Variants in TUG1 observed in about 807,000 individuals in gnomAD.
TUG1 encodes taurine up-regulated 1.
At chr22:30,978,402 G>A (rs1015565664) in exon 3 of TUG1, 1 of 152,150 alleles carries the variant, frequency 6.6e-6, no homozygotes, top group Non-Finnish European at 1.5e-5. Flanking sequence ...CTTAAGCAGA[G>A]ATTAAGCTTT....
intron 2 of TUG1, chr22:30,974,232 T>TA (rs1416539182): frequency 6.6e-6 from 1 of 151,334 alleles, no homozygotes. Context: ...AGTAAGATAG[T>TA]AAAGTATGTA....
chr22:30,972,232 C>T (rs938201319), intron 1 of TUG1: 1 of 152,142 alleles, frequency 6.6e-6, no homozygotes, highest in Non-Finnish European at 1.5e-5. Flanking sequence ...GGAGAAAAGT[C>T]GCTAGATATG....
exon 1 of TUG1, chr22:30,971,009 T>C (rs530201473): frequency 6.6e-6 from 1 of 152,330 alleles, no homozygotes; most frequent in East Asian, 1.9e-4. Context: ...TTTTGCTTCT[T>C]TGTTAGTTGT....
exon 3 of TUG1, chr22:30,976,591 T>C (rs1413661239): frequency 5.9e-5 from 9 of 152,190 alleles, no homozygotes; most frequent in Admixed American, 6.5e-5. Flanking sequence ...TGCCATGATA[T>C]ATATTTAAGG....
exon 3 of TUG1, chr22:30,975,245 C>T (rs2041275048): frequency 6.6e-6 from 1 of 152,204 alleles, no homozygotes; most frequent in African/African-American, 2.4e-5. Flanking sequence ...TGAGTGAAAA[C>T]TGTGCAGAAG....
chr22:30,971,928 A>G (rs1280660588), intron 1 of TUG1, 149 bp downstream of exon 1: 3 of 152,200 alleles, frequency 2.0e-5, no homozygotes, highest in East Asian at 1.9e-4. Flanking sequence ...CCTCTTTTCC[A>G]TGAGTCTCCT....
chr22:30,970,926 T>C (rs1224331202), exon 1 of TUG1: 1 of 152,250 alleles, frequency 6.6e-6, no homozygotes, highest in Admixed American at 6.5e-5. Context: ...GATTCAAAGC[T>C]AAACTTTTTC....
exon 3 of TUG1, chr22:30,979,313 C>T (rs985222152): frequency 5.4e-5 from 7 of 128,656 alleles, no homozygotes; most frequent in Admixed American, 3.8e-4. Context: ...AAACTTTCAA[C>T]TTTATACATT....
At chr22:30,976,975 G>A (rs772424087) in exon 3 of TUG1, 7 of 152,126 alleles carry the variant, frequency 4.6e-5, no homozygotes, top group East Asian at 1.9e-4. Context: ...AGAAATTATC[G>A]TCAATTTTCT....
exon 3 of TUG1, chr22:30,978,894 A>G (rs2041318215): frequency 6.6e-6 from 1 of 152,218 alleles, no homozygotes; most frequent in African/African-American, 2.4e-5. Context: ...CCACACTAAT[A>G]TATCTACCAA....
exon 2 of TUG1, chr22:30,973,064 T>C (rs958125440): frequency 1.3e-5 from 2 of 152,758 alleles, no homozygotes; most frequent in African/African-American, 4.8e-5. Context: ...ACTCCTGTCT[T>C]GTTCTACCCA....
chr22:30,972,001 C>G (rs1467828036), intron 1 of TUG1: 2 of 152,206 alleles, frequency 1.3e-5, no homozygotes, highest in African/African-American at 2.4e-5. Flanking sequence ...TATCTGTATA[C>G]AAAATCCTGT....
exon 1 of TUG1, chr22:30,970,937 C>T (rs2041222857): frequency 1.3e-5 from 2 of 152,164 alleles, no homozygotes; most frequent in Non-Finnish European, 2.9e-5. Flanking sequence ...AAACTTTTTC[C>T]TTGGCCCTCC....
exon 1 of TUG1, chr22:30,969,453 C>T (rs1272239183): frequency 2.0e-5 from 3 of 152,326 alleles, no homozygotes; most frequent in Non-Finnish European, 4.4e-5. Flanking sequence ...CCTGCTCTGG[C>T]ATCCAGCTCT....
At chr22:30,971,167 A>G (rs2041225657) in exon 1 of TUG1, 2 of 152,226 alleles carry the variant, frequency 1.3e-5, no homozygotes, top group Admixed American at 1.3e-4. Flanking sequence ...ATTTAAGTGT[A>G]TTTTGTCTGA....
At chr22:30,969,696 G>A (rs991974971) in exon 1 of TUG1, 2 of 152,514 alleles carry the variant, frequency 1.3e-5, no homozygotes, top group African/African-American at 2.4e-5. Context: ...GGCCGGGGCC[G>A]GCTTGGAGGC....
exon 3 of TUG1, chr22:30,979,331 T>G (rs1208390775): frequency 2.0e-5 from 3 of 152,186 alleles, no homozygotes; most frequent in Non-Finnish European, 4.4e-5. Context: ...ATTTCTGTAT[T>G]AATATTTTAC....
chr22:30,978,646 C>T (rs981529570), exon 3 of TUG1: 25 of 152,074 alleles, frequency 1.6e-4, no homozygotes, highest in African/African-American at 5.8e-4. Flanking sequence ...GGTGCTTTAG[C>T]TTTGTAGGAT....
chr22:30,970,547 TTAAA>T (rs1379120569), exon 1 of TUG1: 1 of 152,222 alleles, frequency 6.6e-6, no homozygotes, highest in African/African-American at 2.4e-5. Flanking sequence ...AGCATCCTAT[TTAAA>T]TAAGCCTATT....
Sources: gnomAD v4.1 joint callset for allele counts on GRCh38, gnomAD v4.1.1 for gene constraint, MANE v1.5 for transcripts, NCBI Gene and HGNC (gene_info 2026-07-23, HGNC 2026-07-21) for gene names.